The following CACNA2D1 variants were observed in gnomAD, a reference collection of about 807,000 sequenced individuals.
CACNA2D1 encodes voltage-dependent calcium channel subunit alpha-2/delta-1.
CACNA2D1 carries 53 observed loss-of-function variants against 171.5 expected under a neutral mutation model. The observed-to-expected ratio is 0.31, with a 90% CI of 0.25 to 0.39. CACNA2D1 has a LOEUF of 0.39. Ranked by LOEUF, CACNA2D1 falls within the 10% of genes least tolerant of loss-of-function variation. The pLI, the probability that CACNA2D1 is intolerant of heterozygous loss-of-function variation, is 1.00. For synonymous variants in CACNA2D1, 442 were observed against 443.1 expected (o/e 1.00, Z 0.03); for missense variants, 903 against 1,299.8 (o/e 0.69, Z 4.69).
chr7:82,091,384 A>G (rs1165839672), intron 6 of CACNA2D1, among the ~76,000 whole-genome samples: 1 of 152,284 alleles, frequency 6.6e-6, no homozygotes, highest in Non-Finnish European at 1.5e-5. Context: ...TGTCCTTGTC[A>G]GTTGTCTAGC....
intron 4 of CACNA2D1, among the ~76,000 whole-genome samples, chr7:82,164,110 T>C (rs947976104): frequency 2.0e-5 from 3 of 152,016 alleles, no homozygotes; most frequent in Non-Finnish European, 4.4e-5. Context: ...TGTGTACAGA[T>C]ATATTCAGAC....
At chr7:81,956,746 C>A (rs966353893) in intron 38 of CACNA2D1, among the ~76,000 whole-genome samples, 1 of 152,190 alleles carries the variant, frequency 6.6e-6, no homozygotes, top group East Asian at 1.9e-4. Context: ...GCTTCCTAAT[C>A]AATGACTACT....
At chr7:82,302,035 T>C (rs902407359) in intron 3 of CACNA2D1, among the ~76,000 whole-genome samples, 2 of 152,064 alleles carry the variant, frequency 1.3e-5, no homozygotes, top group Non-Finnish European at 2.9e-5. Flanking sequence ...GCTGGAATTA[T>C]AGGCATGAGC....
intron 10 of CACNA2D1, chr7:82,050,694 AAAG>A (rs1207743796): frequency 1.4e-6 from 1 of 698,384 alleles, no homozygotes; most frequent in Non-Finnish European, 2.6e-6. Flanking sequence ...AAAGATTCAT[AAAG>A]AAATGTCTCC....
At chr7:82,098,219 C>T (rs1812165901) in intron 6 of CACNA2D1, among the ~76,000 whole-genome samples, 1 of 152,100 alleles carries the variant, frequency 6.6e-6, no homozygotes. Context: ...CTCTCACAAA[C>T]AAAAACATAA....
intron 1 of CACNA2D1, among the ~76,000 whole-genome samples, chr7:82,400,949 G>A (rs1276019118): frequency 2.0e-5 from 3 of 152,084 alleles, no homozygotes; most frequent in Non-Finnish European, 4.4e-5. Context: ...AAAAACACAT[G>A]AAAAAATGCT....
chr7:82,254,402 T>C (rs1678824068), intron 3 of CACNA2D1, among the ~76,000 whole-genome samples: 1 of 152,142 alleles, frequency 6.6e-6, no homozygotes, highest in Admixed American at 6.5e-5. Flanking sequence ...CCAGCTTCAC[T>C]GATGTATAAC....
At chr7:82,161,914 G>T (rs914657982) in intron 4 of CACNA2D1, among the ~76,000 whole-genome samples, 3 of 152,032 alleles carry the variant, frequency 2.0e-5, no homozygotes, top group African/African-American at 7.2e-5. Context: ...TAAAGACACA[G>T]AGGTACTGTA....
intron 3 of CACNA2D1, among the ~76,000 whole-genome samples, chr7:82,186,086 G>T (rs1349029571): frequency 6.6e-6 from 1 of 151,730 alleles, no homozygotes; most frequent in Non-Finnish European, 1.5e-5. Context: ...AACCCGGGAG[G>T]TGGAGGCTGC....
intron 38 of CACNA2D1, among the ~76,000 whole-genome samples, chr7:81,954,447 A>G (rs1453930937): frequency 6.6e-6 from 1 of 152,054 alleles, no homozygotes; most frequent in Admixed American, 6.6e-5. Context: ...AAAAATCTAA[A>G]CCATAGTAAA....
chr7:82,076,990 C>T (rs1809043605), intron 7 of CACNA2D1, among the ~76,000 whole-genome samples: 1 of 152,076 alleles, frequency 6.6e-6, no homozygotes, highest in Non-Finnish European at 1.5e-5. Context: ...CCATAATTAC[C>T]TCTTCTTTTT....
chr7:82,410,454 C>T (rs1257212572), intron 1 of CACNA2D1: 3 of 949,908 alleles, frequency 3.2e-6, no homozygotes, highest in Non-Finnish European at 3.8e-6. Context: ...ATTGGCTTAG[C>T]CTTAAGAAAA....
At chr7:81,955,532 T>C (rs17148095) in intron 38 of CACNA2D1, among the ~76,000 whole-genome samples, 61,531 of 151,938 alleles carry the variant, frequency 0.4, 12,617 homozygotes, top group East Asian at 0.51. Context: ...GAAAGCATAT[T>C]TTGTTAATGT....
At chr7:82,270,875 G>A (rs1396240578) in intron 3 of CACNA2D1, among the ~76,000 whole-genome samples, 1 of 151,918 alleles carries the variant, frequency 6.6e-6, no homozygotes, top group Non-Finnish European at 1.5e-5. Context: ...CTACTCTTAT[G>A]TCCCATTTCA....
intron 15 of CACNA2D1, 94 bp from the exon 16 acceptor site, chr7:82,007,850 T>C (rs1434176520): frequency 1.3e-6 from 1 of 742,424 alleles, no homozygotes; most frequent in Non-Finnish European, 2.5e-6. Context: ...TTGCATTTTA[T>C]AGTTACTTTA....
intron 5 of CACNA2D1, among the ~76,000 whole-genome samples, chr7:82,136,344 T>C (rs1156292253): frequency 1.3e-5 from 2 of 152,070 alleles, no homozygotes; most frequent in Non-Finnish European, 2.9e-5. Flanking sequence ...ATTTTCAATA[T>C]TGCTAATGGA....
chr7:82,340,124 C>A (rs2129444844), intron 2 of CACNA2D1, among the ~76,000 whole-genome samples: 1 of 152,232 alleles, frequency 6.6e-6, no homozygotes, highest in Admixed American at 6.5e-5. Flanking sequence ...TTGTTTTAAA[C>A]CAATAAGTTT....
intron 3 of CACNA2D1, among the ~76,000 whole-genome samples, chr7:82,310,463 A>T (rs1341223035): frequency 6.6e-6 from 1 of 152,024 alleles, no homozygotes; most frequent in Non-Finnish European, 1.5e-5. Flanking sequence ...GAGAATTTCA[A>T]ATTTTATGCG....
At chr7:82,296,852 G>A (rs1001258008) in intron 3 of CACNA2D1, among the ~76,000 whole-genome samples, 1 of 151,892 alleles carries the variant, frequency 6.6e-6, no homozygotes, top group African/African-American at 2.4e-5. Context: ...AAATTAAAAG[G>A]ATTTATGCAT....
Sources: gnomAD v4.1 joint callset for allele counts (sites outside exome capture counted in the v4.1 genomes callset) on GRCh38, gnomAD v4.1.1 for gene constraint, MANE v1.5 for transcripts, NCBI Gene and HGNC (gene_info 2026-07-23, HGNC 2026-07-21) for gene names.